RBMS3: variants seen among roughly 807,000 people sequenced by gnomAD.
RBMS3 encodes the protein RNA binding motif single stranded interacting protein 3, also known as RNA-binding motif, single-stranded-interacting protein 3.
In RBMS3, 27 loss-of-function variants were observed where a neutral mutation model predicts 66.8. The observed-to-expected ratio is 0.40, with a 90% CI of 0.30 to 0.56. The LOEUF is 0.56. Ranked by LOEUF, RBMS3 falls within the 20% of genes least tolerant of loss-of-function variation. RBMS3 has a pLI of 0.40. For synonymous variants in RBMS3, 188 were observed against 183.0 expected (o/e 1.03, Z -0.22); for missense variants, 513 against 549.5 (o/e 0.93, Z 0.66).
At chr3:29,703,404 A>G (rs563344801) in intron 4 of RBMS3, among the ~76,000 whole-genome samples, 7 of 152,226 alleles carry the variant, frequency 4.6e-5, no homozygotes, top group Admixed American at 2.0e-4. Context: ...ATAGGAAACA[A>G]TTTGAAGAGA....
At chr3:29,516,978 T>G (rs1459238720) in intron 3 of RBMS3, among the ~76,000 whole-genome samples, 1 of 151,934 alleles carries the variant, frequency 6.6e-6, no homozygotes, top group Non-Finnish European at 1.5e-5. Flanking sequence ...TTTGGGAGGT[T>G]GAGGCAGGTG....
At chr3:29,437,804 A>G (rs1364421001) in intron 2 of RBMS3, among the ~76,000 whole-genome samples, 2 of 152,186 alleles carry the variant, frequency 1.3e-5, no homozygotes, top group African/African-American at 4.8e-5. Context: ...GAACTCAACA[A>G]TCTTTTATGT....
chr3:29,705,044 G>T (rs868706254), intron 4 of RBMS3, among the ~76,000 whole-genome samples: 26 of 152,278 alleles, frequency 1.7e-4, no homozygotes, highest in African/African-American at 6.0e-4. Context: ...GTTCCCTTGT[G>T]CATGTGATGA....
intron 3 of RBMS3, chr3:29,526,474 T>G (rs1471754934): frequency 1.6e-5 from 2 of 125,310 alleles, no homozygotes; most frequent in African/African-American, 3.1e-5. Flanking sequence ...TGAGCCGAGA[T>G]CGCGCCACTG....
Position 29,821,962 on chromosome 3 carries a change from A to C in RBMS3, c.638-46896A>C, listed in dbSNP as rs772373522. On this transcript the variant is annotated intron_variant, in intron 6 of 14. Transcript: ENST00000383767. ...AAATACATCTGGCTCTTCTTCTCAA[A>C]ATTCAACTAAGTCACTAATTCCTAG... Among the ~76,000 whole-genome samples, 15 of 152,194 alleles carry C rather than the reference A, an allele frequency of 9.9e-5. 1 individual carries two copies. Among genetic ancestry groups the C allele is most frequent in the Admixed American group, 2.6e-4 (4 of 15,274 alleles).
intron 4 of RBMS3, among the ~76,000 whole-genome samples, chr3:29,716,767 G>A (rs1274663597): frequency 6.6e-6 from 1 of 152,030 alleles, no homozygotes; most frequent in Non-Finnish European, 1.5e-5. Context: ...TTAATTAATT[G>A]TTTCTGTCCC....
At chr3:29,799,981 C>T (rs558962601) in intron 6 of RBMS3, among the ~76,000 whole-genome samples, 4 of 152,278 alleles carry the variant, frequency 2.6e-5, no homozygotes, top group South Asian at 2.1e-4. Flanking sequence ...CAAGATTTAT[C>T]GTCACTGTTT....
At chr3:29,761,278 T>C (rs35396205) in intron 5 of RBMS3, among the ~76,000 whole-genome samples, 64,811 of 151,854 alleles carry the variant, frequency 0.43, 14,075 homozygotes, top group African/African-American at 0.51. Flanking sequence ...TTCATAAGAA[T>C]GTACATCTGA....
chr3:29,327,493 C>A (rs570215952), intron 1 of RBMS3, among the ~76,000 whole-genome samples: 14 of 152,346 alleles, frequency 9.2e-5, no homozygotes, highest in African/African-American at 3.1e-4. Context: ...CTCCCTTCCT[C>A]CTTTTCCTCC....
rs1416665427 is a variant in RBMS3 at position 29,791,501 on chromosome 3, T to C, written c.637+28512T>C. ...TTCAAATAGCTTCTCAATGTTTTTT[T>C]CGTCTATTTTTCTTTCCTTCTAGAA... On this transcript the variant is annotated intron_variant, in intron 6 of 14. Coordinates refer to ENST00000383767, the MANE Select transcript of RBMS3 (RefSeq NM_001003793.3). Among the ~76,000 whole-genome samples the C allele has an allele frequency of 2.0e-4, 30 of 152,144 alleles. 1 individual carries two copies. The highest frequency in any genetic ancestry group is 2.0e-3 in the Admixed American group (30 of 15,250).
chr3:29,477,893 G>A (rs2043005807), intron 2 of RBMS3, among the ~76,000 whole-genome samples: 1 of 152,060 alleles, frequency 6.6e-6, no homozygotes, highest in South Asian at 2.1e-4. Flanking sequence ...ACCCTCCTAA[G>A]TAGCTGGGAC....
intron 4 of RBMS3, among the ~76,000 whole-genome samples, chr3:29,677,831 A>G (rs944207555): frequency 3.9e-5 from 6 of 152,130 alleles, no homozygotes; most frequent in Non-Finnish European, 5.9e-5. Flanking sequence ...GGTTAGTGTA[A>G]TGTAATAGAA....
At chr3:29,877,096 G>C (rs142382666) in intron 7 of RBMS3, among the ~76,000 whole-genome samples, 3 of 152,200 alleles carry the variant, frequency 2.0e-5, no homozygotes, top group Non-Finnish European at 4.4e-5. Context: ...TAAGAAGGCA[G>C]TAATCATGCA....
rs1222102515 is a variant in RBMS3 at position 29,524,415 on chromosome 3, ATTTTTTTTTTTTT to A, written c.307+35933_307+35945del. On this transcript the variant is annotated intron_variant, in intron 3 of 14. Coordinates refer to ENST00000383767, the MANE Select transcript of RBMS3 (RefSeq NM_001003793.3). ...GGAAGATATGAGTGACTCCCTTTACATTTTTTTTTTTTTTTTTTTTTTTTTTTTTGGAGACGGA... is the reference window on the plus strand; with the variant it reads ...GGAAGATATGAGTGACTCCCTTTACATTTTTTTTTTTTTTTTGGAGACGGA... Among the ~76,000 whole-genome samples, 125 of 57,124 alleles carry A rather than the reference ATTTTTTTTTTTTT, an allele frequency of 2.2e-3. No individual in the cohort carries two copies. The Middle Eastern group carries it at 0.042, about 19-fold the overall frequency. 37.5% of individuals were successfully genotyped at this position (57,124 alleles called of 152,430 possible). A position where few individuals can be genotyped will look rare whatever the true frequency, so the allele number is the denominator to read the frequency against.
intron 2 of RBMS3, among the ~76,000 whole-genome samples, chr3:29,486,392 A>AGTT (rs1207515865): frequency 6.6e-6 from 1 of 152,124 alleles, no homozygotes; most frequent in East Asian, 1.9e-4. Flanking sequence ...AAGTACTCTG[A>AGTT]GTTGTGTTCC....
chr3:29,284,862 CTTTTTTT>C lies in RBMS3; in HGVS notation c.75+3121_75+3127del, dbSNP rs773078453. On this transcript the variant is annotated intron_variant, in intron 1 of 14. Transcript: ENST00000383767. ...TCAATTTTCTTTTTGATGAATTTTT[CTTTTTTT>C]TTTTTTTTTTTTTTACCAAAAGAAG... Among the ~76,000 whole-genome samples, 11 of 112,774 alleles carry C rather than the reference CTTTTTTT, an allele frequency of 9.8e-5. 1 individual carries two copies. The highest frequency in any genetic ancestry group is 2.9e-4 in the East Asian group (1 of 3,496). The allele number at this position is 112,774 out of a possible 152,430, so 74.0% of individuals were successfully genotyped here.
At chr3:29,700,866 G>GTT (rs1300481868) in intron 4 of RBMS3, among the ~76,000 whole-genome samples, 1 of 151,198 alleles carries the variant, frequency 6.6e-6, no homozygotes, top group African/African-American at 2.4e-5. Context: ...AAGCATGTGT[G>GTT]TGTGTTCGTG....
chr3:29,598,323 A>G (rs1323246024), intron 4 of RBMS3, among the ~76,000 whole-genome samples: 2 of 152,074 alleles, frequency 1.3e-5, no homozygotes, highest in Non-Finnish European at 2.9e-5. Context: ...TATATTCCCG[A>G]GGAAGCCACT....
intron 10 of RBMS3, chr3:29,934,157 G>T (rs912920699): frequency 3.9e-5 from 6 of 152,096 alleles, no homozygotes; most frequent in Non-Finnish European, 8.8e-5. Flanking sequence ...GTTTAGAATT[G>T]AGGGGTTTCT....
Sources: allele counts gnomAD v4.1 joint callset (sites outside exome capture counted in the v4.1 genomes callset), GRCh38; gene constraint gnomAD v4.1.1; transcripts MANE v1.5; gene names NCBI Gene and HGNC (gene_info 2026-07-23, HGNC 2026-07-21).